MAPK4: variants seen among roughly 807,000 people sequenced by gnomAD.
MAPK4 encodes the protein mitogen-activated protein kinase 4.
MAPK4 carries 22 observed loss-of-function variants against 47.7 expected under a neutral mutation model. That is an observed-to-expected ratio of 0.46 (90% CI 0.33 to 0.66). The LOEUF is 0.66. Among genes scored for constraint, MAPK4 ranks in the 30% least tolerant of loss-of-function variants. The pLI is 0.02. For missense variants in MAPK4, 736 were observed against 831.7 expected (o/e 0.88, Z 1.42); for synonymous variants, 390 against 365.7 (o/e 1.07, Z -0.76).
intron 2 of MAPK4, among the ~76,000 whole-genome samples, chr18:50,687,211 G>T (rs529907477): frequency 1.3e-5 from 2 of 151,990 alleles, no homozygotes; most frequent in South Asian, 2.1e-4. Context: ...TTTTTATAGA[G>T]ACAGGTTCTC....
chr18:50,700,732 C>T (rs763262532), intron 2 of MAPK4, among the ~76,000 whole-genome samples: 8 of 152,176 alleles, frequency 5.3e-5, no homozygotes, highest in Non-Finnish European at 1.2e-4. Flanking sequence ...AAAACCCTCT[C>T]GGGTGCATTG....
intron 1 of MAPK4, among the ~76,000 whole-genome samples, chr18:50,608,887 G>A (rs1299618414): frequency 1.3e-5 from 2 of 152,042 alleles, no homozygotes; most frequent in African/African-American, 4.8e-5. Flanking sequence ...CAGTGTTTGT[G>A]TCCCTGGGTA....
At chr18:50,725,186 T>C (rs1003122540) in intron 4 of MAPK4, among the ~76,000 whole-genome samples, 16 of 152,226 alleles carry the variant, frequency 1.1e-4, no homozygotes, top group Non-Finnish European at 2.2e-4. Context: ...AAAGGACTAC[T>C]GCTTGGCAGA....
At chr18:50,682,948 G>A (rs530248043) in intron 2 of MAPK4, among the ~76,000 whole-genome samples, 1 of 152,318 alleles carries the variant, frequency 6.6e-6, no homozygotes, top group South Asian at 2.1e-4. Context: ...GGAGAGTTGT[G>A]CTGAGTGAAA....
chr18:50,568,980 A>G (rs1284966306), intron 1 of MAPK4, among the ~76,000 whole-genome samples: 1 of 152,212 alleles, frequency 6.6e-6, no homozygotes, highest in Non-Finnish European at 1.5e-5. Flanking sequence ...TTTTAGCTGC[A>G]TGAGCATAGT....
At chr18:50,704,562 C>T (rs766980671) in intron 2 of MAPK4, 1 of 398,638 alleles carries the variant, frequency 2.5e-6, no homozygotes, top group East Asian at 3.6e-5. Flanking sequence ...TTGTGGGTCA[C>T]ATTCCAGAGC....
chr18:50,611,503 A>G (rs931658894), intron 1 of MAPK4, among the ~76,000 whole-genome samples: 3 of 152,196 alleles, frequency 2.0e-5, no homozygotes, highest in Non-Finnish European at 4.4e-5. Context: ...ATCTTCACCA[A>G]ATGAGTGAGC....
chr18:50,687,930 T>A (rs1908976036), intron 2 of MAPK4, among the ~76,000 whole-genome samples: 1 of 152,084 alleles, frequency 6.6e-6, no homozygotes, highest in Non-Finnish European at 1.5e-5. Flanking sequence ...AAAGCCCTGG[T>A]TTAACCTTTA....
intron 1 of MAPK4, among the ~76,000 whole-genome samples, chr18:50,590,361 G>A (rs151144786): frequency 2.2e-4 from 34 of 152,242 alleles, no homozygotes; most frequent in African/African-American, 7.0e-4. Flanking sequence ...ACCCAACCCC[G>A]ATAGTGACTT....
chr18:50,673,671 A>G (rs1908095759), intron 2 of MAPK4, among the ~76,000 whole-genome samples: 2 of 152,154 alleles, frequency 1.3e-5, no homozygotes, highest in East Asian at 3.9e-4. Flanking sequence ...CCTGGCTAAC[A>G]TGGTGAAACC....
intron 1 of MAPK4, among the ~76,000 whole-genome samples, chr18:50,591,379 G>T (rs2042435361): frequency 6.6e-6 from 1 of 151,928 alleles, no homozygotes; most frequent in Non-Finnish European, 1.5e-5. Context: ...CATCAATCCT[G>T]CCTCTTGTAG....
chr18:50,713,167 G>T (rs1409764358), intron 2 of MAPK4, among the ~76,000 whole-genome samples: 1 of 152,194 alleles, frequency 6.6e-6, no homozygotes, highest in African/African-American at 2.4e-5. Context: ...TGATGGAATT[G>T]TTACGTATCT....
intron 1 of MAPK4, among the ~76,000 whole-genome samples, chr18:50,567,245 C>T (rs2042206941): frequency 1.3e-5 from 2 of 152,168 alleles, no homozygotes; most frequent in South Asian, 4.1e-4. Flanking sequence ...CCCCTAACCC[C>T]CACTCCCTGA....
intron 1 of MAPK4, among the ~76,000 whole-genome samples, chr18:50,562,577 C>A (rs1034237062): frequency 6.6e-6 from 1 of 152,130 alleles, no homozygotes; most frequent in Non-Finnish European, 1.5e-5. Flanking sequence ...CATCATTGCC[C>A]ATGGCTGGGG....
intron 2 of MAPK4, among the ~76,000 whole-genome samples, chr18:50,683,661 C>T (rs1908711429): frequency 2.0e-5 from 3 of 152,214 alleles, no homozygotes; most frequent in Middle Eastern, 3.4e-3. Flanking sequence ...AGACAAGGTT[C>T]CTGCCTTCGT....
At chr18:50,608,312 G>A (rs943587493) in intron 1 of MAPK4, among the ~76,000 whole-genome samples, 1 of 152,224 alleles carries the variant, frequency 6.6e-6, no homozygotes, top group Non-Finnish European at 1.5e-5. Flanking sequence ...TAGATAAGAT[G>A]TCAATTATAA....
chr18:50,600,937 T>C (rs1244153476), intron 1 of MAPK4, among the ~76,000 whole-genome samples: 1 of 151,974 alleles, frequency 6.6e-6, no homozygotes, highest in Admixed American at 6.6e-5. Context: ...AAATGTTATT[T>C]TAAACTTTAG....
intron 2 of MAPK4, among the ~76,000 whole-genome samples, chr18:50,701,759 C>T (rs1031157621): frequency 2.6e-5 from 4 of 152,110 alleles, no homozygotes; most frequent in South Asian, 2.1e-4. Context: ...AAATTAGAAA[C>T]GCCCCCCAAA....
chr18:50,614,264 G>A (rs1415099600), intron 1 of MAPK4, among the ~76,000 whole-genome samples: 3 of 151,746 alleles, frequency 2.0e-5, no homozygotes, highest in Non-Finnish European at 2.9e-5. Flanking sequence ...GGACCTAAAA[G>A]ACTAAAAAAT....
Sources: allele counts gnomAD v4.1 joint callset (sites outside exome capture counted in the v4.1 genomes callset), GRCh38; gene constraint gnomAD v4.1.1; transcripts MANE v1.5; gene names NCBI Gene and HGNC (gene_info 2026-07-23, HGNC 2026-07-21).